Variants in NRG1 observed in about 807,000 individuals in gnomAD.
The protein encoded by NRG1 is pro-neuregulin-1, membrane-bound isoform.
A neutral mutation model predicts 63.8 loss-of-function variants in NRG1; 18 were observed. That is an observed-to-expected ratio of 0.28 (90% confidence interval 0.19 to 0.42). The LOEUF (loss-of-function observed/expected upper bound fraction) is 0.42, where lower values mean the gene tolerates loss of function less well. Ranked by LOEUF, NRG1 falls within the 10% of genes least tolerant of loss-of-function variation. The pLI is 1.00. For missense variants in NRG1, 762 were observed against 814.7 expected (o/e 0.94, Z 0.79); for synonymous variants, 302 against 301.3 (o/e 1.00, Z -0.02).
intron 1 of NRG1, among the ~76,000 whole-genome samples, chr8:32,387,945 C>T (rs556853233): frequency 2.5e-4 from 38 of 152,198 alleles, no homozygotes; most frequent in East Asian, 1.4e-3. Flanking sequence ...ATTAGGAAGC[C>T]GCCTGTCTCC....
At chr8:32,254,456 C>A (rs557847182) in intron 1 of NRG1, among the ~76,000 whole-genome samples, 3 of 152,250 alleles carry the variant, frequency 2.0e-5, no homozygotes, top group African/African-American at 7.2e-5. Context: ...CATTCAGGAG[C>A]AGGTTGTTCA....
chr8:32,644,416 A>T (rs1853052726), intron 5 of NRG1, among the ~76,000 whole-genome samples: 1 of 152,086 alleles, frequency 6.6e-6, no homozygotes, highest in South Asian at 2.1e-4. Context: ...TTACTCTTTT[A>T]TTGCTATAGA....
chr8:31,728,289 C>G (rs979605260), intron 1 of NRG1, among the ~76,000 whole-genome samples: 1 of 152,026 alleles, frequency 6.6e-6, no homozygotes, highest in Admixed American at 6.5e-5. Context: ...CATGGTGAAA[C>G]CCCGTCTCTA....
At chr8:31,869,971 C>T (rs1829336541) in intron 1 of NRG1, among the ~76,000 whole-genome samples, 1 of 151,860 alleles carries the variant, frequency 6.6e-6, no homozygotes, top group Admixed American at 6.6e-5. Context: ...ATCAAGAAAA[C>T]AAAACAATGA....
chr8:32,616,926 A>C (rs779011081), intron 5 of NRG1, 41 bp downstream of exon 5: 2 of 1,420,350 alleles, frequency 1.4e-6, no homozygotes, highest in South Asian at 2.3e-5. Context: ...TTTTTAACCC[A>C]AGGCACTATC....
At position 31,946,675 on chromosome 8, in the gene NRG1, G is replaced by A. The variant is rs149402040; in HGVS notation, c.37+307244G>A. Among the ~76,000 whole-genome samples the A allele has an allele frequency of 7.2e-5, 11 of 152,254 alleles. No individual in the cohort carries two copies. In the East Asian group the frequency reaches 2.1e-3, roughly 29 times the overall value. ...TCAGGTGTGACACTAGCCTATGGCGGCTGTCATGAGGATTAGAAAATGGTG... is the reference window on the plus strand; with the variant it reads ...TCAGGTGTGACACTAGCCTATGGCGACTGTCATGAGGATTAGAAAATGGTG... On this transcript the variant is annotated intron_variant, in intron 1 of 10. Transcript: ENST00000519301.
chr8:31,824,946 GA>G (rs1186730170), intron 1 of NRG1, among the ~76,000 whole-genome samples: 1 of 152,266 alleles, frequency 6.6e-6, no homozygotes, highest in African/African-American at 2.4e-5. Context: ...AACGGGAAAA[GA>G]AAAACATTAA....
At chr8:32,756,931 G>C (rs1006713046) in intron 9 of NRG1, among the ~76,000 whole-genome samples, 2 of 152,248 alleles carry the variant, frequency 1.3e-5, no homozygotes, top group Non-Finnish European at 1.5e-5. Context: ...CGAGCAAAGA[G>C]CTTTAGAGTT....
At chr8:31,809,225 A>C (rs1296219670) in intron 1 of NRG1, among the ~76,000 whole-genome samples, 1 of 151,220 alleles carries the variant, frequency 6.6e-6, no homozygotes, top group East Asian at 1.9e-4. Flanking sequence ...AAATGTCATC[A>C]AAATATGTCT....
At chr8:32,667,033 T>C (rs761203485) in intron 5 of NRG1, among the ~76,000 whole-genome samples, 4 of 152,202 alleles carry the variant, frequency 2.6e-5, no homozygotes, top group South Asian at 4.1e-4. Context: ...AAATACGTCA[T>C]TGGACCATTT....
intron 5 of NRG1, among the ~76,000 whole-genome samples, chr8:32,719,721 T>C (rs900497277): frequency 7.9e-5 from 12 of 152,076 alleles, no homozygotes; most frequent in African/African-American, 2.7e-4. Context: ...TTTCACTCTT[T>C]GTTTGATTCT....
intron 1 of NRG1, among the ~76,000 whole-genome samples, chr8:31,981,084 G>A (rs909859375): frequency 6.6e-6 from 1 of 152,028 alleles, no homozygotes; most frequent in African/African-American, 2.4e-5. Context: ...TCTGAGCTCT[G>A]TAATGTATGC....
chr8:32,736,851 T>C (rs16879901), intron 6 of NRG1, among the ~76,000 whole-genome samples: 1,544 of 152,230 alleles, frequency 0.01, 26 homozygotes, highest in African/African-American at 0.035. Flanking sequence ...TAGAAGTTTC[T>C]TGGGGTCCGT....
At chr8:32,268,650 A>G (rs1301451890) in intron 1 of NRG1, among the ~76,000 whole-genome samples, 1 of 152,182 alleles carries the variant, frequency 6.6e-6, no homozygotes, top group Admixed American at 6.5e-5. Context: ...TTGTTTATAC[A>G]GGGTTTTTAG....
intron 1 of NRG1, among the ~76,000 whole-genome samples, chr8:32,357,158 T>C (rs1236354749): frequency 6.6e-6 from 1 of 152,182 alleles, no homozygotes; most frequent in Non-Finnish European, 1.5e-5. Context: ...TGAGCCCCCA[T>C]ACAGACCTTC....
At chr8:31,890,209 A>G (rs147750011) in intron 1 of NRG1, among the ~76,000 whole-genome samples, 1 of 152,330 alleles carries the variant, frequency 6.6e-6, no homozygotes, top group East Asian at 1.9e-4. Flanking sequence ...AGCACTAGCT[A>G]AGAACCATTA....
At chr8:31,777,474 C>A (rs529871432) in intron 1 of NRG1, among the ~76,000 whole-genome samples, 44 of 152,304 alleles carry the variant, frequency 2.9e-4, no homozygotes, top group African/African-American at 9.4e-4. Flanking sequence ...ATTCTGGATC[C>A]CAGGCCCATG....
At chr8:32,190,317 T>C (rs895319330) in intron 1 of NRG1, among the ~76,000 whole-genome samples, 6 of 152,106 alleles carry the variant, frequency 3.9e-5, no homozygotes, top group African/African-American at 1.4e-4. Context: ...TTCAAGATGA[T>C]CTTGACAGCC....
chr8:32,558,707 A>G (rs1835697401), intron 1 of NRG1, among the ~76,000 whole-genome samples: 1 of 152,164 alleles, frequency 6.6e-6, no homozygotes, highest in Admixed American at 6.5e-5. Flanking sequence ...GCAGATGGCC[A>G]TTTGGGATTT....
Sources: gnomAD v4.1 joint callset for allele counts (sites outside exome capture counted in the v4.1 genomes callset) on GRCh38, gnomAD v4.1.1 for gene constraint, MANE v1.5 for transcripts, NCBI Gene and HGNC (gene_info 2026-07-23, HGNC 2026-07-21) for gene names.